Variants in PTPRC observed in about 807,000 individuals in gnomAD.
PTPRC encodes the protein receptor-type tyrosine-protein phosphatase C.
In PTPRC, 44 loss-of-function variants were observed where a neutral mutation model predicts 155.9. The observed-to-expected ratio is 0.28, with a 90% CI of 0.22 to 0.36. The LOEUF (loss-of-function observed/expected upper bound fraction) is 0.36. PTPRC is among the 10% of genes least tolerant of loss of function. PTPRC has a pLI of 1.00. For synonymous variants in PTPRC, 525 were observed against 533.1 expected (o/e 0.98, Z 0.21); for missense variants, 1,401 against 1,564.6 (o/e 0.90, Z 1.76).
intron 10 of PTPRC, 72 bp downstream of exon 10, chr1:198,708,333 C>A: frequency 7.0e-7 from 1 of 1,433,600 alleles, no homozygotes; most frequent in African/African-American, 1.4e-5. Flanking sequence ...TTTAATCTTA[C>A]TCTCTGCCCT....
In PTPRC at chr1:198,703,378, A is replaced by G. The variant is rs61757807; in HGVS notation, c.658+6A>G. 12 of 1,612,116 alleles carry G rather than the reference A, an allele frequency of 7.4e-6. No individual in the cohort carries two copies. The highest frequency in any genetic ancestry group is 6.7e-5 in the Admixed American group (4 of 60,006). On this transcript the variant is annotated splice_donor_region_variant and intron_variant, in intron 7 of 32. Coordinates refer to ENST00000442510, the MANE Select transcript of PTPRC (RefSeq NM_002838.5). The stretch of plus-strand genomic sequence containing the variant: ...CATTTCAACCACAACAATAGGTGAT[A>G]TTACCCTCAGTCAGGCAGCCACACC...
At chr1:198,730,586 A>C (rs192358477) in intron 17 of PTPRC, among the ~76,000 whole-genome samples, 3 of 152,268 alleles carry the variant, frequency 2.0e-5, no homozygotes, top group African/African-American at 2.4e-5. Context: ...ACACCTGAGC[A>C]GAACAGGAAA....
At chr1:198,735,369 AG>A in intron 23 of PTPRC, 117 bp downstream of exon 23, 5 of 984,394 alleles carry the variant, frequency 5.1e-6, no homozygotes, top group Non-Finnish European at 6.0e-6. Context: ...GATAACCTTT[AG>A]GATGAAAGCT....
intron 29 of PTPRC, among the ~76,000 whole-genome samples, chr1:198,751,756 T>C (rs775448779): frequency 2.0e-5 from 3 of 152,046 alleles, no homozygotes; most frequent in Admixed American, 2.0e-4. Flanking sequence ...TCCTTAGCTA[T>C]GTAGACAAAA....
chr1:198,653,179 A>G (rs1663350507), intron 2 of PTPRC, among the ~76,000 whole-genome samples: 1 of 151,778 alleles, frequency 6.6e-6, no homozygotes, highest in Non-Finnish European at 1.5e-5. Context: ...AAAGCATCCA[A>G]AGGACTTTTT....
At chr1:198,658,388 G>A (rs572177517) in intron 2 of PTPRC, among the ~76,000 whole-genome samples, 1 of 152,186 alleles carries the variant, frequency 6.6e-6, no homozygotes, top group South Asian at 2.1e-4. Context: ...ATTTTATTAT[G>A]TTGCTTTCTT....
At chr1:198,697,725 T>C (rs1383505186) in intron 4 of PTPRC, among the ~76,000 whole-genome samples, 1 of 152,244 alleles carries the variant, frequency 6.6e-6, no homozygotes, top group Non-Finnish European at 1.5e-5. Flanking sequence ...TGATAAAAGA[T>C]ACTAAGCTAT....
At chr1:198,644,072 GTA>G (rs1359183800) in intron 2 of PTPRC, among the ~76,000 whole-genome samples, 5 of 151,886 alleles carry the variant, frequency 3.3e-5, no homozygotes, top group Non-Finnish European at 7.4e-5. Flanking sequence ...GACCATGTGT[GTA>G]TATGTCACCT....
intron 15 of PTPRC, among the ~76,000 whole-genome samples, chr1:198,722,940 A>C (rs1476011874): frequency 6.6e-6 from 1 of 151,834 alleles, no homozygotes; most frequent in Non-Finnish European, 1.5e-5. Context: ...TTTATCACTG[A>C]TATTTAAAAT....
chr1:198,687,104 G>C (rs1413831072), intron 2 of PTPRC, among the ~76,000 whole-genome samples: 2 of 152,076 alleles, frequency 1.3e-5, no homozygotes, highest in Non-Finnish European at 2.9e-5. Flanking sequence ...ACACACTCAT[G>C]GGCGTAGCCT....
At chr1:198,656,522 A>G (rs764637018) in intron 2 of PTPRC, among the ~76,000 whole-genome samples, 1 of 152,060 alleles carries the variant, frequency 6.6e-6, no homozygotes, top group South Asian at 2.1e-4. Flanking sequence ...CAAGGGCCTA[A>G]TACAGGGAAA....
Position 198,702,458 on chromosome 1 carries a change from AGC to A in PTPRC, c.512_513del (p.Ser171ThrfsTer28). The A allele has an allele frequency of 4.3e-6, 7 of 1,614,156 alleles. No homozygotes were observed. Among genetic ancestry groups the A allele is most frequent in the Non-Finnish European group, 5.9e-6 (7 of 1,180,022 alleles). On this transcript the variant is annotated frameshift_variant, in exon 6 of 33. Transcript: ENST00000442510. LOFTEE classifies it high-confidence loss of function. ...AGTTTCCCCATTGACAACCACCCTC[AGC>A]CTTGCACACCACAGCTCTGCTGCCT... ...DPVSPLTTTL[S>X]LAHHSSAALP... is the part of the protein sequence containing the mutation.
rs181789215 is a variant in PTPRC at position 198,756,311 on chromosome 1, A to C, written c.*130A>C. 8.5e-7 allele frequency: 1 copy of C among 1,179,850 alleles called. No individual in the cohort carries two copies. Among genetic ancestry groups the C allele is most frequent in the African/African-American group, 1.5e-5 (1 of 64,868 alleles). 73.1% of individuals were successfully genotyped at this position (1,179,850 alleles called of 1,614,324 possible). A position where few individuals can be genotyped will look rare whatever the true frequency, so the allele number is the denominator to read the frequency against. On this transcript the variant is annotated 3_prime_UTR_variant, in exon 33 of 33. Coordinates refer to ENST00000442510, the MANE Select transcript of PTPRC (RefSeq NM_002838.5). Reference sequence around the variant, plus strand: ...GCGAACCAATATTTGTAGAAGGGTTATATTTTACTACTGTGGAAAAATATT... The same window carrying C: ...GCGAACCAATATTTGTAGAAGGGTTCTATTTTACTACTGTGGAAAAATATT...
At chr1:198,667,028 C>T (rs1210690325) in intron 2 of PTPRC, 1 of 152,176 alleles carries the variant, frequency 6.6e-6, no homozygotes, top group South Asian at 2.1e-4. Context: ...TCTGACACCC[C>T]ATTCGATAGG....
At chr1:198,652,425 T>C (rs1663302851) in intron 2 of PTPRC, among the ~76,000 whole-genome samples, 1 of 151,686 alleles carries the variant, frequency 6.6e-6, no homozygotes, top group African/African-American at 2.4e-5. Flanking sequence ...AAAGCATAAT[T>C]TACTCCCAAT....
At chr1:198,696,581 ATATG>A in intron 3 of PTPRC, 127 bp from the exon 4 acceptor site, 1 of 780,168 alleles carries the variant, frequency 1.3e-6, no homozygotes, top group South Asian at 1.4e-5. Context: ...TGGTGTGTGC[ATATG>A]TATGTGTAGA....
intron 26 of PTPRC, among the ~76,000 whole-genome samples, chr1:198,747,254 GA>G (rs67022392): frequency 0.28 from 37,801 of 134,908 alleles, 5,400 homozygotes; most frequent in Non-Finnish European, 0.37. Flanking sequence ...GTTCAAGCAA[GA>G]AAAAAAAAAA....
At chr1:198,709,143 G>C (rs1246143228) in intron 10 of PTPRC, among the ~76,000 whole-genome samples, 3 of 152,182 alleles carry the variant, frequency 2.0e-5, no homozygotes, top group African/African-American at 7.2e-5. Flanking sequence ...GCTATATACA[G>C]ATTGGGCATC....
At chr1:198,754,893 A>C (rs1378695802) in intron 32 of PTPRC, among the ~76,000 whole-genome samples, 1 of 152,054 alleles carries the variant, frequency 6.6e-6, no homozygotes, top group African/African-American at 2.4e-5. Flanking sequence ...GCTGGTCTAA[A>C]GTGACCTACA....
Sources: allele counts gnomAD v4.1 joint callset (sites outside exome capture counted in the v4.1 genomes callset), GRCh38; gene constraint gnomAD v4.1.1; transcripts MANE v1.5; gene names NCBI Gene and HGNC (gene_info 2026-07-23, HGNC 2026-07-21).